The following KHDRBS2 variants were observed in gnomAD, a reference collection of about 807,000 sequenced individuals.
KHDRBS2 encodes the protein KH domain-containing, RNA-binding, signal transduction-associated protein 2.
In KHDRBS2, 26 loss-of-function variants were observed where a neutral mutation model predicts 44.3. The observed-to-expected ratio is 0.59, with a 90% CI of 0.43 to 0.81. The LOEUF (loss-of-function observed/expected upper bound fraction) is 0.81. KHDRBS2 is among the 40% of genes least tolerant of loss of function. The probability of loss-of-function intolerance (pLI) is 0.00; values close to 1 mark genes in which losing one functional copy is unlikely to be tolerated. For synonymous variants in KHDRBS2, 194 were observed against 151.1 expected (o/e 1.28, Z -2.08); for missense variants, 476 against 433.1 (o/e 1.10, Z -0.88).
At chr6:61,612,493 A>G in the KHDRBS2 span, among the ~76,000 whole-genome samples, 2 of 152,172 alleles carry the variant, frequency 1.3e-5, no homozygotes, top group Non-Finnish European at 2.9e-5. Flanking sequence ...TTAACTTTAA[A>G]ATGGTTATAG....
intron 4 of KHDRBS2, among the ~76,000 whole-genome samples, chr6:61,917,449 T>G (rs1006946497): frequency 2.6e-5 from 4 of 151,872 alleles, no homozygotes; most frequent in African/African-American, 9.7e-5. Context: ...AAAGCAAAAT[T>G]ACAGAGACAA....
At chr6:62,044,223 G>C (rs1787174363) in intron 3 of KHDRBS2, among the ~76,000 whole-genome samples, 1 of 151,856 alleles carries the variant, frequency 6.6e-6, no homozygotes, top group African/African-American at 2.4e-5. Context: ...CCAGCACTTT[G>C]GCAGGCTGAG....
chr6:62,262,411 T>C (rs894934363), intron 1 of KHDRBS2, among the ~76,000 whole-genome samples: 10 of 151,758 alleles, frequency 6.6e-5, no homozygotes, highest in Non-Finnish European at 1.0e-4. Flanking sequence ...TGAAATTACA[T>C]TGAAACCCAT....
intron 2 of KHDRBS2, among the ~76,000 whole-genome samples, chr6:62,138,862 TTTATC>T (rs1278560400): frequency 2.0e-5 from 3 of 152,220 alleles, no homozygotes; most frequent in Admixed American, 1.3e-4. Context: ...TCTTCAGTGT[TTTATC>T]TTATCACAGT....
intron 2 of KHDRBS2, among the ~76,000 whole-genome samples, chr6:62,107,831 C>T (rs376973333): frequency 1.1e-3 from 170 of 152,182 alleles, no homozygotes; most frequent in Middle Eastern, 6.8e-3. Context: ...CTGAGAAAAA[C>T]GAACAATGGG....
At chr6:62,057,309 C>T (rs1790516552) in intron 2 of KHDRBS2, among the ~76,000 whole-genome samples, 1 of 151,748 alleles carries the variant, frequency 6.6e-6, no homozygotes, top group Non-Finnish European at 1.5e-5. Flanking sequence ...GAAGGCTTTT[C>T]CATGAAAGAT....
intron 2 of KHDRBS2, among the ~76,000 whole-genome samples, chr6:62,077,226 T>C (rs976268516): frequency 1.3e-5 from 2 of 152,044 alleles, no homozygotes; most frequent in Non-Finnish European, 2.9e-5. Context: ...TTATTCTTAC[T>C]AGTGTACAGC....
At chr6:61,950,049 A>G (rs1764423249) in intron 4 of KHDRBS2, among the ~76,000 whole-genome samples, 1 of 152,090 alleles carries the variant, frequency 6.6e-6, no homozygotes, top group South Asian at 2.1e-4. Context: ...CTTTCAAAAA[A>G]GCCTAGTAAC....
chr6:61,562,928 C>T, the KHDRBS2 span, among the ~76,000 whole-genome samples: 1 of 152,048 alleles, frequency 6.6e-6, no homozygotes, highest in African/African-American at 2.4e-5. Flanking sequence ...TGCGTTATAT[C>T]TGTTTGGCTA....
intron 2 of KHDRBS2, among the ~76,000 whole-genome samples, chr6:62,090,355 A>G (rs1431872936): frequency 6.6e-6 from 1 of 152,236 alleles, no homozygotes; most frequent in African/African-American, 2.4e-5. Context: ...TCAGGAAAAC[A>G]GAATAAATTA....
At chr6:61,655,513 C>T in the KHDRBS2 span, among the ~76,000 whole-genome samples, 88 of 152,134 alleles carry the variant, frequency 5.8e-4, no homozygotes, top group Middle Eastern at 3.4e-3. Flanking sequence ...CCTTGGTCTC[C>T]CAAAGTGTTG....
intron 4 of KHDRBS2, among the ~76,000 whole-genome samples, chr6:61,962,485 CAA>C (rs1282211080): frequency 1.3e-5 from 2 of 151,904 alleles, no homozygotes; most frequent in African/African-American, 4.8e-5. Context: ...TGGGAGGGGT[CAA>C]AGTTTTGCAA....
intron 2 of KHDRBS2, among the ~76,000 whole-genome samples, chr6:62,121,220 T>G (rs1807553409): frequency 6.6e-6 from 1 of 152,198 alleles, no homozygotes; most frequent in South Asian, 2.1e-4. Context: ...AGAGCCATTA[T>G]GGTGGGAAAG....
At chr6:61,809,303 T>C (rs1290649658) in intron 6 of KHDRBS2, among the ~76,000 whole-genome samples, 1 of 152,146 alleles carries the variant, frequency 6.6e-6, no homozygotes, top group Non-Finnish European at 1.5e-5. Context: ...GCAATGGCAA[T>C]AGAAGAAAAG....
chr6:62,243,205 T>C (rs913336145), intron 1 of KHDRBS2, among the ~76,000 whole-genome samples: 5 of 152,082 alleles, frequency 3.3e-5, no homozygotes, highest in African/African-American at 1.2e-4. Flanking sequence ...ATCATATCTA[T>C]GTATGTATGT....
chr6:61,726,035 T>C (rs1773483527), intron 7 of KHDRBS2, among the ~76,000 whole-genome samples: 1 of 152,110 alleles, frequency 6.6e-6, no homozygotes, highest in African/African-American at 2.4e-5. Flanking sequence ...TGAACATCAA[T>C]GCAACAATCC....
chr6:61,615,219 C>CCAAAAAAAAAAAAAAAAAA, the KHDRBS2 span, among the ~76,000 whole-genome samples: 1 of 101,016 alleles, frequency 9.9e-6, no homozygotes, highest in Non-Finnish European at 1.9e-5. Flanking sequence ...GGTGACAGAG[C>CCAAAAAAAAAAAAAAAAAA]AAGACTCCAT....
At chr6:61,553,317 T>C in the KHDRBS2 span, among the ~76,000 whole-genome samples, 2 of 151,964 alleles carry the variant, frequency 1.3e-5, no homozygotes, top group Non-Finnish European at 2.9e-5. Flanking sequence ...TCTCTGAGAG[T>C]TTTTTTGTTG....
At chr6:62,196,052 G>A (rs748912113) in intron 1 of KHDRBS2, among the ~76,000 whole-genome samples, 4 of 152,130 alleles carry the variant, frequency 2.6e-5, no homozygotes, top group Admixed American at 1.3e-4. Flanking sequence ...AGTGAGTGGA[G>A]CCAATGACCT....
Sources: gnomAD v4.1 joint callset for allele counts (sites outside exome capture counted in the v4.1 genomes callset) on GRCh38, gnomAD v4.1.1 for gene constraint, MANE v1.5 for transcripts, NCBI Gene and HGNC (gene_info 2026-07-23, HGNC 2026-07-21) for gene names.